The following MRRF variants were observed in gnomAD, a reference collection of about 807,000 sequenced individuals.
MRRF encodes the protein mitochondrial ribosome recycling factor.
In MRRF, 18 loss-of-function variants were observed where a neutral mutation model predicts 25.1. That is an observed-to-expected ratio of 0.72 (90% CI 0.50 to 1.06). MRRF has a LOEUF of 1.06. Among genes scored for constraint, MRRF ranks in the 50% least tolerant of loss-of-function variants. The probability of loss-of-function intolerance (pLI) is 0.00; values close to 1 mark genes in which losing one functional copy is unlikely to be tolerated. For missense variants in MRRF, 323 were observed against 319.3 expected, an observed-to-expected ratio of 1.01 and a Z score of -0.09; for synonymous variants, 113 against 112.1, an observed-to-expected ratio of 1.01 and a Z score of -0.05.
chr9:122,307,799 C>T (rs938905511), intron 5 of MRRF, among the ~76,000 whole-genome samples: 1 of 152,180 alleles, frequency 6.6e-6, no homozygotes, highest in Admixed American at 6.5e-5. Flanking sequence ...GTCCTTTCTA[C>T]ATTTTAAAGC....
rs1034870833 is a variant in MRRF, at chr9:122,271,090, C to T, written c.184+15C>T. ...GAAAGCCAAAGGTAGAGACATGTGA[C>T]GTTCTCTCCTACTTCACCCCTTTCT... On this transcript the variant is annotated intron_variant, in intron 2 of 6. Coordinates refer to ENST00000344641, the MANE Select transcript of MRRF (RefSeq NM_138777.5). The T allele has an allele frequency of 1.6e-5, 25 of 1,606,720 alleles. No individual in the cohort carries two copies. In the East Asian group the frequency reaches 2.0e-4, roughly 13 times the overall value.
At position 122,330,661 on chromosome 9, in the gene MRRF, A is replaced by T. The variant is rs897998181; in HGVS notation, c.*8044A>T. ...AGACACACAGAGGGCCTAGTGCAGT[A>T]GCTCATGCCTGGAATCTCAGCACTT... On this transcript the variant is annotated 3_prime_UTR_variant, in exon 7 of 7. Coordinates refer to ENST00000344641, the MANE Select transcript of MRRF (RefSeq NM_138777.5). This position sits in a 1 kb window ranked among gnomAD's most constrained non-coding sequence, Gnocchi z 4.2. 1.3e-5 allele frequency: 2 copies of T among 152,274 alleles called. No homozygotes were observed. Among genetic ancestry groups the T allele is most frequent in the African/African-American group, 4.8e-5 (2 of 41,464 alleles). 9.4% of individuals were successfully genotyped at this position (152,274 alleles called of 1,614,324 possible). A position where few individuals can be genotyped will look rare whatever the true frequency, so the allele number is the denominator to read the frequency against.
intron 1 of MRRF, among the ~76,000 whole-genome samples, chr9:122,269,399 C>G (rs1290207403): frequency 1.3e-5 from 2 of 151,950 alleles, no homozygotes; most frequent in African/African-American, 4.8e-5. Flanking sequence ...TAATAACATA[C>G]AAGGTTTCTT....
chr9:122,317,835 G>A (rs1835632232), intron 6 of MRRF, among the ~76,000 whole-genome samples: 2 of 151,978 alleles, frequency 1.3e-5, no homozygotes, highest in African/African-American at 4.8e-5. Flanking sequence ...TCAATTTTTG[G>A]TGTATAAGAA....
At chr9:122,304,013 A>G (rs569925523) in intron 5 of MRRF, among the ~76,000 whole-genome samples, 1 of 150,924 alleles carries the variant, frequency 6.6e-6, no homozygotes, top group South Asian at 2.1e-4. Flanking sequence ...CACACAGAGT[A>G]GTGTCTGTAG....
chr9:122,282,506 G>T (rs1833143331), intron 3 of MRRF, among the ~76,000 whole-genome samples: 1 of 152,236 alleles, frequency 6.6e-6, no homozygotes, highest in African/African-American at 2.4e-5. Context: ...GCAAAGCTGA[G>T]TGGTGAAGAC....
At chr9:122,316,822 A>G (rs1416504378) in intron 6 of MRRF, among the ~76,000 whole-genome samples, 2 of 135,504 alleles carry the variant, frequency 1.5e-5, no homozygotes, top group Non-Finnish European at 3.3e-5. Flanking sequence ...CCTTTTTTCT[A>G]AAAAAAAAAA....
intron 1 of MRRF, among the ~76,000 whole-genome samples, chr9:122,268,446 A>G (rs1023552502): frequency 2.0e-5 from 3 of 152,188 alleles, no homozygotes; most frequent in Non-Finnish European, 2.9e-5. Flanking sequence ...ATATTTGGTT[A>G]TAAGTATGAG....
intron 1 of MRRF, 184 bp from the exon 2 acceptor site, chr9:122,270,680 A>G (rs2119028239): frequency 1.8e-6 from 1 of 568,450 alleles, no homozygotes; most frequent in East Asian, 3.1e-5. Flanking sequence ...CATTCTGTAA[A>G]ATGAGGCAAA....
At chr9:122,313,070 T>C (rs921229298) in intron 5 of MRRF, among the ~76,000 whole-genome samples, 157 bp from the exon 6 acceptor site, 1 of 152,174 alleles carries the variant, frequency 6.6e-6, no homozygotes, top group Non-Finnish European at 1.5e-5. Context: ...CTTAAAGCCT[T>C]TATACATGCG....
At chr9:122,282,318 C>T (rs1279482769) in intron 3 of MRRF, among the ~76,000 whole-genome samples, 2 of 152,210 alleles carry the variant, frequency 1.3e-5, no homozygotes, top group Non-Finnish European at 2.9e-5. Flanking sequence ...TTGTCCTCTT[C>T]CCTTTCATCC....
intron 3 of MRRF, among the ~76,000 whole-genome samples, chr9:122,284,157 G>A (rs1833245342): frequency 6.6e-6 from 1 of 152,112 alleles, no homozygotes; most frequent in South Asian, 2.1e-4. Context: ...AGCCTCTGCA[G>A]AATCAGGATC....
rs541127032 is a variant in MRRF, at chr9:122,269,145, G to A, written c.-28-1719G>A. On this transcript the variant is annotated intron_variant, in intron 1 of 6. Coordinates refer to ENST00000344641, the MANE Select transcript of MRRF (RefSeq NM_138777.5). ...CGTGCCACTGCACTCCAGCCTGGGC[G>A]ACAGAGTGAGACTCTGTCTCAAAAA... Among the ~76,000 whole-genome samples, 36 of 148,406 alleles carry A rather than the reference G, an allele frequency of 2.4e-4. No homozygotes were observed. The South Asian group carries it at 3.0e-3, about 12-fold the overall frequency.
intron 6 of MRRF, among the ~76,000 whole-genome samples, chr9:122,315,968 T>C (rs1432025372): frequency 6.6e-6 from 1 of 152,234 alleles, no homozygotes; most frequent in East Asian, 1.9e-4. Flanking sequence ...TTTTTTTCTT[T>C]AGTGCTTCTT....
At chr9:122,299,501 T>C (rs1193064466) in intron 5 of MRRF, among the ~76,000 whole-genome samples, 4 of 152,084 alleles carry the variant, frequency 2.6e-5, no homozygotes, top group Admixed American at 1.3e-4. Context: ...TATATGGACC[T>C]GAAGTTCAGA....
At chr9:122,311,280 GCA>G (rs1326448554) in intron 5 of MRRF, among the ~76,000 whole-genome samples, 1 of 152,084 alleles carries the variant, frequency 6.6e-6, no homozygotes, top group Non-Finnish European at 1.5e-5. Flanking sequence ...CCCTGAACCA[GCA>G]CACACATGCC....
chr9:122,281,578 G>A (rs1023885646), intron 3 of MRRF, among the ~76,000 whole-genome samples: 42 of 152,182 alleles, frequency 2.8e-4, no homozygotes, highest in African/African-American at 8.2e-4. Context: ...ACAGTAGAGC[G>A]TGCCATTCAA....
chr9:122,278,096 T>G lies in MRRF; in HGVS notation c.185-2347T>G, dbSNP rs373928146. Among the ~76,000 whole-genome samples, 293 of 152,240 alleles carry G rather than the reference T, an allele frequency of 1.9e-3. 2 individuals carry two copies. Among genetic ancestry groups the G allele is most frequent in the African/African-American group, 6.6e-3 (274 of 41,556 alleles). ...GTGTTGAAATATTCCTTTTTTTCCT[T>G]TTTTCTTCTTCTTTTCCCATTAGAT... On this transcript the variant is annotated intron_variant, in intron 2 of 6. Transcript: ENST00000344641.
chr9:122,287,006 G>A (rs78954348), intron 4 of MRRF, among the ~76,000 whole-genome samples: 20,876 of 152,128 alleles, frequency 0.14, 1,800 homozygotes, highest in Middle Eastern at 0.27. Flanking sequence ...TAGAGCCTTT[G>A]CATATCCTGT....
Sources: allele counts gnomAD v4.1 joint callset (sites outside exome capture counted in the v4.1 genomes callset), GRCh38; gene constraint gnomAD v4.1.1; non-coding constraint Gnocchi (gnomAD v3.1); transcripts MANE v1.5; gene names NCBI Gene and HGNC (gene_info 2026-07-23, HGNC 2026-07-21).